The following FSTL5 variants were observed in gnomAD, a reference collection of about 807,000 sequenced individuals.
The protein encoded by FSTL5 is follistatin-related protein 5.
A neutral mutation model predicts 89.1 loss-of-function variants in FSTL5; 62 were observed. That is an observed-to-expected ratio of 0.70 (90% CI 0.57 to 0.86). The LOEUF is 0.86. FSTL5 is among the 40% of genes least tolerant of loss of function. The pLI, the probability that FSTL5 is intolerant of heterozygous loss-of-function variation, is 0.00. For missense variants in FSTL5, 1,057 were observed against 1,001.6 expected (o/e 1.06, Z -0.75); for synonymous variants, 383 against 346.2 (o/e 1.11, Z -1.18).
chr4:161,818,495 A>T (rs1730396395), intron 4 of FSTL5, among the ~76,000 whole-genome samples: 1 of 152,162 alleles, frequency 6.6e-6, no homozygotes, highest in Admixed American at 6.5e-5. Context: ...ACCCTGTAAC[A>T]CATGCCCAGT....
chr4:161,596,678 A>T (rs1283723964), intron 7 of FSTL5, among the ~76,000 whole-genome samples: 1 of 152,118 alleles, frequency 6.6e-6, no homozygotes, highest in Non-Finnish European at 1.5e-5. Flanking sequence ...CAAGTTCTAA[A>T]TGGTTGTTGA....
chr4:161,413,480 G>C (rs2110943837), intron 15 of FSTL5, among the ~76,000 whole-genome samples: 1 of 152,210 alleles, frequency 6.6e-6, no homozygotes, highest in East Asian at 1.9e-4. Context: ...TTATGGGAAT[G>C]TAAATTAGTC....
intron 4 of FSTL5, among the ~76,000 whole-genome samples, chr4:161,836,399 A>G (rs1731042249): frequency 6.6e-6 from 1 of 151,840 alleles, no homozygotes; most frequent in Admixed American, 6.6e-5. Flanking sequence ...ACACATGTAT[A>G]CATATGTAAC....
At chr4:161,444,063 G>T (rs578067484) in intron 15 of FSTL5, among the ~76,000 whole-genome samples, 38 of 152,018 alleles carry the variant, frequency 2.5e-4, no homozygotes, top group African/African-American at 8.4e-4. Context: ...TTTCCTTGGA[G>T]TATTATATCA....
At chr4:161,568,392 C>A (rs757576596) in intron 8 of FSTL5, among the ~76,000 whole-genome samples, 2 of 152,142 alleles carry the variant, frequency 1.3e-5, no homozygotes, top group Non-Finnish European at 2.9e-5. Flanking sequence ...ATAGCTTCAG[C>A]GGGTAACTTA....
Position 161,455,839 on chromosome 4 carries a change from C to T in FSTL5, c.1717-711G>A, listed in dbSNP as rs184017264. Among the ~76,000 whole-genome samples, 34 of 152,244 alleles carry T rather than the reference C, an allele frequency of 2.2e-4. No individual in the cohort carries two copies. The East Asian group carries it at 6.6e-3, about 29-fold the overall frequency. ...GCACAACCATTGTTCTGGTAGCCTT[C>T]TAAAGGGCCTTTTTCCTGCCTTTAC... On this transcript the variant is annotated intron_variant, in intron 14 of 15. Transcript: ENST00000306100.
At chr4:161,960,341 T>C (rs2110978093) in intron 3 of FSTL5, among the ~76,000 whole-genome samples, 1 of 151,672 alleles carries the variant, frequency 6.6e-6, no homozygotes, top group Admixed American at 6.6e-5. Flanking sequence ...TAATTTTTTT[T>C]TTAAATATAT....
At chr4:161,574,556 C>T (rs950340226) in intron 8 of FSTL5, among the ~76,000 whole-genome samples, 1 of 152,014 alleles carries the variant, frequency 6.6e-6, no homozygotes, top group African/African-American at 2.4e-5. Context: ...TATTCCCCTC[C>T]CTGTGTCCAT....
At chr4:161,780,451 T>C (rs891875011) in intron 4 of FSTL5, among the ~76,000 whole-genome samples, 3 of 152,196 alleles carry the variant, frequency 2.0e-5, no homozygotes, top group Non-Finnish European at 4.4e-5. Context: ...CTTCATGCTC[T>C]GGGAGACCAG....
intron 4 of FSTL5, among the ~76,000 whole-genome samples, chr4:161,890,370 T>C (rs1405778662): frequency 1.3e-5 from 2 of 152,102 alleles, no homozygotes; most frequent in African/African-American, 4.8e-5. Flanking sequence ...CTATTAATTA[T>C]AGTGTAAAAC....
intron 4 of FSTL5, among the ~76,000 whole-genome samples, chr4:161,843,100 T>G (rs560849182): frequency 6.6e-6 from 1 of 152,280 alleles, no homozygotes; most frequent in African/African-American, 2.4e-5. Context: ...ATTTACACAT[T>G]TTGTGAATAC....
intron 3 of FSTL5, among the ~76,000 whole-genome samples, chr4:161,933,021 G>A (rs374139634): frequency 3.0e-4 from 46 of 152,018 alleles, no homozygotes; most frequent in Non-Finnish European, 3.4e-4. Flanking sequence ...TTTAGTTTGC[G>A]TATGATAATC....
chr4:161,976,617 G>T (rs1735655252), intron 3 of FSTL5, among the ~76,000 whole-genome samples: 1 of 152,078 alleles, frequency 6.6e-6, no homozygotes, highest in Admixed American at 6.6e-5. Flanking sequence ...GAGTAGCTGG[G>T]ACTACAGGCG....
chr4:161,800,007 G>T (rs2126828253), intron 4 of FSTL5, among the ~76,000 whole-genome samples: 1 of 151,792 alleles, frequency 6.6e-6, no homozygotes, highest in East Asian at 1.9e-4. Context: ...TGCCATAGAT[G>T]CTAAGATTAC....
At chr4:161,665,250 GTTTTA>G (rs937253794) in intron 6 of FSTL5, among the ~76,000 whole-genome samples, 5 of 151,616 alleles carry the variant, frequency 3.3e-5, no homozygotes, top group African/African-American at 1.2e-4. Flanking sequence ...TTTTTTTGTT[GTTTTA>G]TTTTGAGACA....
At chr4:161,454,333 A>G (rs1472758763) in intron 15 of FSTL5, among the ~76,000 whole-genome samples, 1 of 152,180 alleles carries the variant, frequency 6.6e-6, no homozygotes, top group Non-Finnish European at 1.5e-5. Context: ...ACTAAATATC[A>G]TGATATCCCA....
chr4:161,615,247 T>C (rs1282913920), intron 7 of FSTL5, among the ~76,000 whole-genome samples: 3 of 138,368 alleles, frequency 2.2e-5, no homozygotes, highest in Non-Finnish European at 3.0e-5. Context: ...TGAGCAGAGA[T>C]TGCACCACTG....
intron 10 of FSTL5, among the ~76,000 whole-genome samples, chr4:161,512,975 T>A (rs2126503476): frequency 6.6e-6 from 1 of 152,120 alleles, no homozygotes; most frequent in Non-Finnish European, 1.5e-5. Flanking sequence ...TGACATATCT[T>A]CAAGGGTGGC....
At chr4:161,452,880 ACT>A (rs561263186) in intron 15 of FSTL5, among the ~76,000 whole-genome samples, 271 of 152,238 alleles carry the variant, frequency 1.8e-3, no homozygotes, top group African/African-American at 6.3e-3. Flanking sequence ...TATACTTTTT[ACT>A]CTTTTTCATA....
Sources: allele counts gnomAD v4.1 joint callset (sites outside exome capture counted in the v4.1 genomes callset), GRCh38; gene constraint gnomAD v4.1.1; transcripts MANE v1.5; gene names NCBI Gene and HGNC (gene_info 2026-07-23, HGNC 2026-07-21).